Variants in PBX3 observed in about 807,000 individuals in gnomAD.
PBX3 encodes the protein pre-B-cell leukemia transcription factor 3.
PBX3 carries 14 observed loss-of-function variants against 48.5 expected under a neutral mutation model. The ratio of observed to expected loss-of-function variants is 0.29; its 90% CI spans 0.19 to 0.45. The LOEUF (loss-of-function observed/expected upper bound fraction) is 0.45. Ranked by LOEUF, PBX3 falls within the 20% of genes least tolerant of loss-of-function variation. The pLI, the probability that PBX3 is intolerant of heterozygous loss-of-function variation, is 1.00. For synonymous variants in PBX3, 210 were observed against 200.3 expected (o/e 1.05, Z -0.41); for missense variants, 386 against 546.7 (o/e 0.71, Z 2.93).
chr9:125,899,236 TAA>T (rs1289356481), intron 2 of PBX3, among the ~76,000 whole-genome samples: 2 of 136,318 alleles, frequency 1.5e-5, no homozygotes, highest in East Asian at 2.0e-4. Context: ...TATTTATATA[TAA>T]ATATACATAT....
intron 3 of PBX3, among the ~76,000 whole-genome samples, chr9:125,923,887 C>G (rs1289908433): frequency 2.0e-5 from 3 of 151,868 alleles, no homozygotes; most frequent in African/African-American, 7.3e-5. Flanking sequence ...ATTTTAGAGA[C>G]AAATTCTCAC....
In PBX3 at chr9:125,815,241, A is replaced by C. The variant is rs182531958; in HGVS notation, c.274+66618A>C. On this transcript the variant is annotated intron_variant, in intron 2 of 8. Transcript: ENST00000373489. ...AATTATAAAAGTACTCTCCTTGCAC[A>C]GTTGAAAAAAATGTTGTAACCTCTT... 3.3e-4 allele frequency among the ~76,000 whole-genome samples: 51 copies of C among 152,322 alleles called. 1 individual carries two copies. Among genetic ancestry groups the C allele is most frequent in the Admixed American group, 3.3e-3 (51 of 15,300 alleles).
intron 2 of PBX3, among the ~76,000 whole-genome samples, chr9:125,907,844 C>T (rs1841110253): frequency 6.6e-6 from 1 of 152,100 alleles, no homozygotes; most frequent in African/African-American, 2.4e-5. Flanking sequence ...CCCATTTACT[C>T]ACCATGTGAT....
chr9:125,764,589 A>G (rs1050096003), intron 2 of PBX3, among the ~76,000 whole-genome samples: 2 of 152,214 alleles, frequency 1.3e-5, no homozygotes, highest in African/African-American at 4.8e-5. Flanking sequence ...GGGGAACTAC[A>G]TGCTATAAGA....
At chr9:125,827,977 A>G (rs1233108864) in intron 2 of PBX3, among the ~76,000 whole-genome samples, 1 of 152,170 alleles carries the variant, frequency 6.6e-6, no homozygotes, top group African/African-American at 2.4e-5. Flanking sequence ...GCATTTTGGA[A>G]GGATCAGAAA....
chr9:125,769,240 A>G (rs1836879626), intron 2 of PBX3, among the ~76,000 whole-genome samples: 1 of 152,222 alleles, frequency 6.6e-6, no homozygotes, highest in African/African-American at 2.4e-5. Context: ...TGCTTTGTGC[A>G]ATGGCGCCAG....
chr9:125,963,389 G>A (rs1409467541), intron 8 of PBX3, among the ~76,000 whole-genome samples: 2 of 152,018 alleles, frequency 1.3e-5, no homozygotes, highest in Admixed American at 6.6e-5. Context: ...CCAGGGAGAC[G>A]GTAGAAAACA....
intron 3 of PBX3, among the ~76,000 whole-genome samples, chr9:125,920,295 T>C (rs146507395): frequency 5.8e-4 from 88 of 152,338 alleles, no homozygotes; most frequent in African/African-American, 2.1e-3. Flanking sequence ...AAAAATGCCT[T>C]TACTGTACCT....
intron 2 of PBX3, among the ~76,000 whole-genome samples, chr9:125,847,998 G>C (rs748328360): frequency 6.6e-6 from 1 of 151,974 alleles, no homozygotes; most frequent in Non-Finnish European, 1.5e-5. Context: ...AATTGAGTAA[G>C]TGCTAGGGTA....
intron 2 of PBX3, among the ~76,000 whole-genome samples, chr9:125,771,827 C>T (rs1024580869): frequency 6.6e-6 from 1 of 152,060 alleles, no homozygotes; most frequent in Non-Finnish European, 1.5e-5. Context: ...TTACATTCTT[C>T]AGAATTTGAA....
intron 2 of PBX3, among the ~76,000 whole-genome samples, chr9:125,901,555 C>T (rs1792716942): frequency 6.6e-6 from 1 of 151,590 alleles, no homozygotes; most frequent in South Asian, 2.1e-4. Context: ...ATAGTGGGTA[C>T]TCAGTAAAGG....
chr9:125,962,064 C>A, intron 6 of PBX3, 38 bp from the exon 7 acceptor site: 2 of 1,015,672 alleles, frequency 2.0e-6, no homozygotes, highest in Non-Finnish European at 3.1e-6. Context: ...ATGTGTGTAG[C>A]TCTCTGTTAT....
At chr9:125,788,176 G>A (rs1447568664) in intron 2 of PBX3, among the ~76,000 whole-genome samples, 2 of 152,124 alleles carry the variant, frequency 1.3e-5, no homozygotes, top group African/African-American at 4.8e-5. Flanking sequence ...ATCATGCTAT[G>A]GTCAGTTTAT....
At chr9:125,925,167 A>G (rs572591163) in intron 3 of PBX3, among the ~76,000 whole-genome samples, 3 of 152,308 alleles carry the variant, frequency 2.0e-5, no homozygotes, top group South Asian at 2.1e-4. Flanking sequence ...ATGGGCTTTT[A>G]TTGTGTTTGT....
intron 2 of PBX3, among the ~76,000 whole-genome samples, chr9:125,882,798 T>C (rs75951659): frequency 1.8e-3 from 268 of 152,360 alleles, no homozygotes; most frequent in African/African-American, 6.2e-3. Flanking sequence ...ATTCAAGCAG[T>C]GTATTTTAAA....
chr9:125,812,537 C>CA (rs1838321952), intron 2 of PBX3, among the ~76,000 whole-genome samples: 2 of 152,332 alleles, frequency 1.3e-5, no homozygotes, highest in South Asian at 2.1e-4. Flanking sequence ...TACTAAGACT[C>CA]AAAATCTCTT....
intron 2 of PBX3, among the ~76,000 whole-genome samples, chr9:125,792,478 A>G (rs1588150519): frequency 6.6e-6 from 1 of 152,178 alleles, no homozygotes. Flanking sequence ...CACTAGAACT[A>G]AGGAGTCCCT....
intron 2 of PBX3, among the ~76,000 whole-genome samples, chr9:125,877,027 C>T (rs1416219111): frequency 1.3e-5 from 2 of 152,010 alleles, no homozygotes; most frequent in African/African-American, 4.8e-5. Flanking sequence ...CTGCCTTGGC[C>T]TCCCAAAGTG....
chr9:125,872,139 C>CT (rs1162636615), intron 2 of PBX3, among the ~76,000 whole-genome samples: 1 of 151,982 alleles, frequency 6.6e-6, no homozygotes, highest in Non-Finnish European at 1.5e-5. Context: ...ATTAGAGTAA[C>CT]TGATTCAATC....
Sources: allele counts gnomAD v4.1 joint callset (sites outside exome capture counted in the v4.1 genomes callset), GRCh38; gene constraint gnomAD v4.1.1; transcripts MANE v1.5; gene names NCBI Gene and HGNC (gene_info 2026-07-23, HGNC 2026-07-21).